Variants in PDE4D observed in about 807,000 individuals in gnomAD.
The protein encoded by PDE4D is 3',5'-cyclic-AMP phosphodiesterase 4D.
PDE4D carries 24 observed loss-of-function variants against 87.4 expected under a neutral mutation model. That is an observed-to-expected ratio of 0.27 (90% CI 0.20 to 0.39). The LOEUF is 0.39. PDE4D is among the 10% of genes least tolerant of loss of function. The probability of loss-of-function intolerance (pLI) is 1.00; values close to 1 mark genes in which losing one functional copy is unlikely to be tolerated. For missense variants in PDE4D, 714 were observed against 1,041.0 expected, an observed-to-expected ratio of 0.69 and a Z score of 4.32; for synonymous variants, 384 against 383.2, an observed-to-expected ratio of 1.00 and a Z score of -0.02.
At chr5:59,632,160 C>T (rs1831656364) in intron 1 of PDE4D, among the ~76,000 whole-genome samples, 1 of 152,204 alleles carries the variant, frequency 6.6e-6, no homozygotes, top group African/African-American at 2.4e-5. Flanking sequence ...ACCGCAGCTC[C>T]ACAAAGTTGC....
At chr5:60,057,901 T>G (rs930710098) in intron 2 of PDE4D, among the ~76,000 whole-genome samples, 2 of 152,048 alleles carry the variant, frequency 1.3e-5, no homozygotes, top group Non-Finnish European at 2.9e-5. Context: ...ATCTGATATA[T>G]ATACCAAAGG....
At chr5:59,725,824 TG>T (rs1041077850) in intron 1 of PDE4D, among the ~76,000 whole-genome samples, 11 of 142,546 alleles carry the variant, frequency 7.7e-5, no homozygotes, top group African/African-American at 2.7e-4. Context: ...TAAAGTTAGT[TG>T]TTTTTTTTCA....
chr5:59,503,086 T>C (rs553662017), intron 1 of PDE4D, among the ~76,000 whole-genome samples: 1 of 152,020 alleles, frequency 6.6e-6, no homozygotes, highest in African/African-American at 2.4e-5. Context: ...TAAAGAGGGC[T>C]TGCTGTGGAA....
intron 2 of PDE4D, among the ~76,000 whole-genome samples, chr5:60,162,278 C>T (rs1782529828): frequency 1.3e-5 from 2 of 151,974 alleles, no homozygotes; most frequent in Non-Finnish European, 2.9e-5. Flanking sequence ...TTTCCAGAGC[C>T]CAGGGTTTGG....
Position 59,398,320 on chromosome 5 carries a change from A to G in PDE4D, c.456-182352T>C, listed in dbSNP as rs1310078969. Among the ~76,000 whole-genome samples the G allele has an allele frequency of 8.2e-5, 11 of 133,910 alleles. No individual in the cohort carries two copies. In the East Asian group the frequency reaches 2.5e-3, roughly 30 times the overall value. The allele number at this position is 133,910 out of a possible 152,430, so 87.9% of individuals were successfully genotyped here. A position where few individuals can be genotyped will look rare whatever the true frequency, so the allele number is the denominator to read the frequency against. ...CAATATCCTTGATGAACATTGATGC[A>G]AAAATCCTCAATAAAATACTGGCAA... On this transcript the variant is annotated intron_variant, in intron 1 of 14. Coordinates refer to ENST00000340635, the MANE Select transcript of PDE4D (RefSeq NM_001104631.2).
intron 1 of PDE4D, among the ~76,000 whole-genome samples, chr5:59,253,003 G>T (rs1412063925): frequency 2.6e-5 from 4 of 152,080 alleles, no homozygotes; most frequent in African/African-American, 9.7e-5. Context: ...TCTTAGCATT[G>T]CAATTAGATC....
chr5:59,669,030 C>A (rs1746723944), intron 1 of PDE4D, among the ~76,000 whole-genome samples: 1 of 152,176 alleles, frequency 6.6e-6, no homozygotes, highest in Admixed American at 6.5e-5. Context: ...AACTGTTTGA[C>A]ACATTCAGTT....
At chr5:60,267,460 A>G (rs935236226) in intron 1 of PDE4D, among the ~76,000 whole-genome samples, 5 of 152,210 alleles carry the variant, frequency 3.3e-5, no homozygotes, top group African/African-American at 9.6e-5. Flanking sequence ...GATGAGAAAG[A>G]GCTTGACTGG....
intron 1 of PDE4D, among the ~76,000 whole-genome samples, chr5:59,872,984 C>A (rs159622): frequency 0.36 from 54,516 of 151,902 alleles, 11,867 homozygotes; most frequent in African/African-American, 0.61. Context: ...TGTGCTTGTG[C>A]GCAAAATGGC....
At chr5:59,814,977 A>G (rs1581231077) in intron 1 of PDE4D, among the ~76,000 whole-genome samples, 4 of 152,196 alleles carry the variant, frequency 2.6e-5, no homozygotes, top group Non-Finnish European at 2.9e-5. Flanking sequence ...TCAGATATAC[A>G]CACGTTTTTG....
intron 1 of PDE4D, among the ~76,000 whole-genome samples, chr5:59,484,114 A>G (rs937128308): frequency 6.6e-6 from 1 of 152,140 alleles, no homozygotes; most frequent in African/African-American, 2.4e-5. Flanking sequence ...CTGCTTCCCA[A>G]TATCATCAAC....
intron 2 of PDE4D, among the ~76,000 whole-genome samples, chr5:60,132,811 C>T (rs192580588): frequency 3.3e-5 from 5 of 151,824 alleles, no homozygotes; most frequent in Non-Finnish European, 5.9e-5. Flanking sequence ...GAGCCGAGAT[C>T]GCACCACTGC....
In PDE4D at chr5:59,317,635, C is replaced by T. The variant is rs186455286; in HGVS notation, c.456-101667G>A. ...AACAACTTAAAACAGCTCTTTCCCT[C>T]GCGTAAGAACCTGACTTGCCAGGCA... is the stretch of plus-strand genomic sequence containing the variant. On this transcript the variant is annotated intron_variant, in intron 1 of 14. Coordinates refer to ENST00000340635, the MANE Select transcript of PDE4D (RefSeq NM_001104631.2). Among the ~76,000 whole-genome samples the T allele has an allele frequency of 2.1e-4, 32 of 152,196 alleles. 1 individual carries two copies. The highest frequency in any genetic ancestry group is 1.7e-3 in the East Asian group (9 of 5,168).
intron 1 of PDE4D, among the ~76,000 whole-genome samples, chr5:59,540,743 T>C (rs751949349): frequency 6.6e-6 from 1 of 152,206 alleles, no homozygotes; most frequent in Non-Finnish European, 1.5e-5. Context: ...TCTTAACTTA[T>C]AAGATATGAG....
At chr5:59,475,325 G>A (rs925354797) in intron 1 of PDE4D, among the ~76,000 whole-genome samples, 2 of 152,016 alleles carry the variant, frequency 1.3e-5, no homozygotes, top group Non-Finnish European at 2.9e-5. Context: ...GATTCTCAAA[G>A]GGGTCTCTAA....
intron 2 of PDE4D, among the ~76,000 whole-genome samples, chr5:60,150,618 G>T (rs1781424720): frequency 6.6e-6 from 1 of 152,104 alleles, no homozygotes; most frequent in African/African-American, 2.4e-5. Context: ...TGTTCTGAAG[G>T]CTAAATTCTG....
intron 1 of PDE4D, among the ~76,000 whole-genome samples, chr5:59,412,589 T>A (rs544229413): frequency 5.9e-5 from 9 of 152,172 alleles, no homozygotes; most frequent in Non-Finnish European, 1.2e-4. Flanking sequence ...CTGCATCTCA[T>A]GCTTCTACAG....
chr5:59,932,377 GAC>G (rs1756061985), intron 3 of PDE4D, among the ~76,000 whole-genome samples: 1 of 152,154 alleles, frequency 6.6e-6, no homozygotes, highest in Non-Finnish European at 1.5e-5. Flanking sequence ...GACATTCACT[GAC>G]AGTTTTCTAC....
At chr5:59,199,973 CATACAT>C (rs1746438826) in intron 2 of PDE4D, among the ~76,000 whole-genome samples, 1 of 150,538 alleles carries the variant, frequency 6.6e-6, no homozygotes, top group Non-Finnish European at 1.5e-5. Context: ...CAGGCACATA[CATACAT>C]ATATACACAT....
Sources: gnomAD v4.1 joint callset for allele counts (sites outside exome capture counted in the v4.1 genomes callset) on GRCh38, gnomAD v4.1.1 for gene constraint, MANE v1.5 for transcripts, NCBI Gene and HGNC (gene_info 2026-07-23, HGNC 2026-07-21) for gene names.